The following ITPK1 variants were observed in gnomAD, a reference collection of about 807,000 sequenced individuals.
ITPK1 encodes inositol-tetrakisphosphate 1-kinase.
In ITPK1, 21 loss-of-function variants were observed where a neutral mutation model predicts 45.3. The ratio of observed to expected loss-of-function variants is 0.46; its 90% CI spans 0.33 to 0.67. ITPK1 has a LOEUF of 0.67. Among genes scored for constraint, ITPK1 ranks in the 30% least tolerant of loss-of-function variants. The pLI, the probability that ITPK1 is intolerant of heterozygous loss-of-function variation, is 0.02. For missense variants in ITPK1, 474 were observed against 573.5 expected (o/e 0.83, Z 1.77); for synonymous variants, 258 against 253.6 (o/e 1.02, Z -0.16).
At chr14:93,009,478 G>A (rs1283883759) in intron 4 of ITPK1, among the ~76,000 whole-genome samples, 1 of 152,146 alleles carries the variant, frequency 6.6e-6, no homozygotes, top group Non-Finnish European at 1.5e-5. Context: ...GTCTTCCTGG[G>A]GACCAGGCTT....
chr14:92,942,008 G>A, intron 10 of ITPK1, 104 bp from the exon 11 acceptor site: 5 of 979,964 alleles, frequency 5.1e-6, no homozygotes, highest in Non-Finnish European at 7.7e-6. Context: ...GGATGAGGCA[G>A]GGTGTGCTGT....
At chr14:93,079,336 C>T (rs1388655464) in intron 2 of ITPK1, among the ~76,000 whole-genome samples, 4 of 152,230 alleles carry the variant, frequency 2.6e-5, no homozygotes, top group Non-Finnish European at 4.4e-5. Flanking sequence ...GTATGCTACA[C>T]ACCCCTTGAA....
intron 9 of ITPK1, among the ~76,000 whole-genome samples, chr14:92,947,887 C>A (rs563747951): frequency 6.6e-6 from 1 of 152,162 alleles, no homozygotes; most frequent in South Asian, 2.1e-4. Flanking sequence ...GAGCTGAGAA[C>A]GTGTACTCAA....
In ITPK1 at chr14:92,941,985, C is replaced by T. The variant is rs775770623; in HGVS notation, c.902-81G>A. ...AGGGAGGAGGAGGAGGAGGCAGAAC[C>T]GATGGGCTCCTGGGATGAGGCAGGG... On this transcript the variant is annotated intron_variant, in intron 10 of 10. Transcript: ENST00000267615. 5.2e-5 allele frequency: 63 copies of T among 1,216,530 alleles called. No individual in the cohort carries two copies. In the Middle Eastern group the frequency reaches 7.1e-4, roughly 14 times the overall value. The allele number at this position is 1,216,530 out of a possible 1,614,324, so 75.4% of individuals were successfully genotyped here. A position where few individuals can be genotyped will look rare whatever the true frequency, so the allele number is the denominator to read the frequency against.
chr14:93,002,190 CA>C (rs1328574339), intron 4 of ITPK1, among the ~76,000 whole-genome samples: 1 of 151,996 alleles, frequency 6.6e-6, no homozygotes, highest in Non-Finnish European at 1.5e-5. Flanking sequence ...CCTGTCTCTA[CA>C]AAAAATTAAA....
At chr14:92,946,222 T>A (rs1201201156) in intron 10 of ITPK1, 109 bp downstream of exon 10, 1 of 1,299,028 alleles carries the variant, frequency 7.7e-7, no homozygotes, top group Non-Finnish European at 1.1e-6. Flanking sequence ...GACCTCGTGG[T>A]GAGGGAGAAA....
chr14:93,019,569 G>A (rs1164325123), intron 3 of ITPK1, among the ~76,000 whole-genome samples: 2 of 152,194 alleles, frequency 1.3e-5, no homozygotes, highest in African/African-American at 2.4e-5. Flanking sequence ...GCCGCCTCTC[G>A]CTGTGGCGTC....
At chr14:93,031,561 G>T (rs1225964659) in intron 3 of ITPK1, among the ~76,000 whole-genome samples, 1 of 152,134 alleles carries the variant, frequency 6.6e-6, no homozygotes, top group Non-Finnish European at 1.5e-5. Context: ...GCCTGGCACT[G>T]ACTTGCTGTG....
intron 3 of ITPK1, among the ~76,000 whole-genome samples, chr14:93,019,463 C>T (rs1888358343): frequency 6.6e-6 from 1 of 152,246 alleles, no homozygotes; most frequent in Admixed American, 6.5e-5. Flanking sequence ...GGCCACCCTC[C>T]TTTGTGTATT....
chr14:92,966,355 T>C (rs73330391), intron 5 of ITPK1, among the ~76,000 whole-genome samples: 68 of 152,284 alleles, frequency 4.5e-4, no homozygotes, highest in African/African-American at 1.6e-3. Flanking sequence ...AACAATTCCA[T>C]TTATAAAAGC....
rs141231148 is a variant in ITPK1 at position 93,062,827 on chromosome 14, C to G, written c.120+13768G>C. ...ATACACCAAGGCGTTTCATCTTCTC[C>G]CCAAGAAGATATACTGGGTGGGCAG... On this transcript the variant is annotated intron_variant, in intron 3 of 10. Transcript: ENST00000267615. Among the ~76,000 whole-genome samples, 36 of 152,290 alleles carry G rather than the reference C, an allele frequency of 2.4e-4. No individual in the cohort carries two copies. The East Asian group carries it at 5.4e-3, about 23-fold the overall frequency.
At chr14:93,003,676 C>T (rs995584780) in intron 4 of ITPK1, among the ~76,000 whole-genome samples, 4 of 152,230 alleles carry the variant, frequency 2.6e-5, no homozygotes, top group African/African-American at 7.2e-5. Flanking sequence ...GGCTGGGCAG[C>T]GTGCAACCTA....
rs554058471 is a variant in ITPK1 at position 92,941,492 on chromosome 14, G to A, written c.*69C>T. 117 of 1,451,240 alleles carry A rather than the reference G, an allele frequency of 8.1e-5. No homozygotes were observed. The African/African-American group carries it at 1.1e-3, about 13-fold the overall frequency. The allele number at this position is 1,451,240 out of a possible 1,614,324, so 89.9% of individuals were successfully genotyped here. On this transcript the variant is annotated 3_prime_UTR_variant, in exon 11 of 11. Coordinates refer to ENST00000267615, the MANE Select transcript of ITPK1 (RefSeq NM_014216.6). ...GGGGATTCTTAGTAGTAGCATCGCC[G>A]TTGGGAGCTGCTGGCCCAGCGGGTG...
At chr14:93,004,783 G>A (rs1263851446) in intron 4 of ITPK1, among the ~76,000 whole-genome samples, 6 of 151,898 alleles carry the variant, frequency 4.0e-5, no homozygotes, top group South Asian at 2.1e-4. Context: ...GTGTGGGTGC[G>A]GGGGGCACAG....
At chr14:93,082,150 G>T (rs911414242) in intron 2 of ITPK1, among the ~76,000 whole-genome samples, 1 of 152,124 alleles carries the variant, frequency 6.6e-6, no homozygotes, top group Admixed American at 6.5e-5. Context: ...GGGGTGGGGG[G>T]CAGCCCTTGC....
intron 3 of ITPK1, among the ~76,000 whole-genome samples, chr14:93,051,624 A>T (rs1890013414): frequency 6.6e-6 from 1 of 151,836 alleles, no homozygotes; most frequent in South Asian, 2.1e-4. Context: ...CAAAAGAAAA[A>T]AAAAAAAAAG....
At chr14:93,008,689 A>C (rs555497458) in intron 4 of ITPK1, among the ~76,000 whole-genome samples, 1 of 152,354 alleles carries the variant, frequency 6.6e-6, no homozygotes, top group East Asian at 1.9e-4. Flanking sequence ...GATTTATTAC[A>C]TGAAGACAAA....
intron 3 of ITPK1, among the ~76,000 whole-genome samples, chr14:93,050,878 G>A (rs528642470): frequency 6.6e-6 from 1 of 152,154 alleles, no homozygotes; most frequent in Non-Finnish European, 1.5e-5. Flanking sequence ...AGGTACCTGT[G>A]CAGGCGAGTC....
intron 3 of ITPK1, among the ~76,000 whole-genome samples, chr14:93,024,833 G>A (rs945727114): frequency 3.3e-5 from 5 of 152,066 alleles, no homozygotes; most frequent in East Asian, 1.9e-4. Flanking sequence ...CTGTGGCTCC[G>A]GGACACAGGC....
Sources: allele counts gnomAD v4.1 joint callset (sites outside exome capture counted in the v4.1 genomes callset), GRCh38; gene constraint gnomAD v4.1.1; transcripts MANE v1.5; gene names NCBI Gene and HGNC (gene_info 2026-07-23, HGNC 2026-07-21).